Variants in RHOBTB2 observed in about 807,000 individuals in gnomAD.
RHOBTB2 encodes rho-related BTB domain-containing protein 2.
In RHOBTB2, 39 loss-of-function variants were observed where a neutral mutation model predicts 66.5. That is an observed-to-expected ratio of 0.59 (90% CI 0.45 to 0.77). RHOBTB2 has a LOEUF of 0.77. Among genes scored for constraint, RHOBTB2 ranks in the 30% least tolerant of loss-of-function variants. RHOBTB2 has a pLI of 0.00. For synonymous variants in RHOBTB2, 390 were observed against 395.0 expected (o/e 0.99, Z 0.15); for missense variants, 755 against 999.1 (o/e 0.76, Z 3.29).
upstream of RHOBTB2, among the ~76,000 whole-genome samples, chr8:22,983,615 C>T (rs1810247110): frequency 6.6e-6 from 1 of 152,024 alleles, no homozygotes; most frequent in Non-Finnish European, 1.5e-5. Flanking sequence ...CTAGGTTTTA[C>T]TTTTCTACCT....
chr8:23,007,165 G>A lies in RHOBTB2; in HGVS notation c.920G>A (p.Gly307Asp), dbSNP rs1484420263. ...LMDLSEGELG[G>D]PSEPGGTHPE... is the part of the protein sequence containing the mutation. ...GACCTGAGTGAGGGGGAGCTGGGGG[G>A]CCCCTCGGAGCCAGGGGGCACCCAC... Residue 307 changes from glycine to aspartate, a missense_variant, in exon 5 of 10, where the codon GGC (glycine) becomes GAC (aspartate). Coordinates refer to ENST00000251822, the MANE Select transcript of RHOBTB2 (RefSeq NM_015178.3). 3 of 1,603,816 alleles carry A rather than the reference G, an allele frequency of 1.9e-6. No individual in the cohort carries two copies. The highest frequency in any genetic ancestry group is 1.3e-5 in the African/African-American group (1 of 74,978).
chr8:22,970,621 T>G, the RHOBTB2 span, among the ~76,000 whole-genome samples: 1 of 151,198 alleles, frequency 6.6e-6, no homozygotes, highest in African/African-American at 2.4e-5. Flanking sequence ...AAAAAAAATT[T>G]GATTTATTTT....
the RHOBTB2 span, among the ~76,000 whole-genome samples, chr8:22,951,728 T>C: frequency 6.6e-6 from 1 of 152,176 alleles, no homozygotes; most frequent in Non-Finnish European, 1.5e-5. Flanking sequence ...TGGAATGTCA[T>C]CGGTTAAGGC....
chr8:22,991,883 T>C (rs1357560958), intron 1 of RHOBTB2: 14 of 152,204 alleles, frequency 9.2e-5, no homozygotes, highest in Admixed American at 9.2e-4. Flanking sequence ...CATCCAGCAA[T>C]GCCTAAGGGA....
In RHOBTB2 at chr8:23,017,631, G is replaced by T. The variant is rs1811336501; in HGVS notation, c.*162G>T. 8.6e-7 allele frequency: 1 copy of T among 1,162,506 alleles called. No homozygotes were observed. The highest frequency in any genetic ancestry group is 1.5e-5 in the African/African-American group (1 of 64,768). 72.0% of individuals were successfully genotyped at this position (1,162,506 alleles called of 1,614,324 possible). The stretch of plus-strand genomic sequence containing the variant: ...TACCAGCCACCGTGGCTCAGCCAGA[G>T]AGGAGCTGAGCCCTGTGGAGCAGAA... On this transcript the variant is annotated 3_prime_UTR_variant, in exon 10 of 10. Coordinates refer to ENST00000251822, the MANE Select transcript of RHOBTB2 (RefSeq NM_015178.3). This position sits in a 1 kb window ranked among gnomAD's most constrained non-coding sequence, Gnocchi z 5.3.
chr8:23,005,972 G>A lies in RHOBTB2; in HGVS notation c.309G>A (p.Val103=), dbSNP rs764759967. The change falls in exon 4 of 10, where the codon GTG becomes GTA. Residue 103 remains valine, a synonymous_variant. Transcript: ENST00000251822. Reference sequence around the variant, plus strand: ...TTCCCACCCGCAGATCTGATGTGGTGGTTCTGTGCTTCTCCATTGCCAACC... The same window carrying A: ...TTCCCACCCGCAGATCTGATGTGGTAGTTCTGTGCTTCTCCATTGCCAACC... ...RRFAYGRSDV[V]VLCFSIANPN... The A allele has an allele frequency of 3.8e-5, 62 of 1,612,402 alleles. No individual in the cohort carries two copies. The Middle Eastern group carries it at 4.9e-4, about 13-fold the overall frequency.
chr8:22,974,331 T>A, the RHOBTB2 span, among the ~76,000 whole-genome samples: 1 of 152,210 alleles, frequency 6.6e-6, no homozygotes, highest in African/African-American at 2.4e-5. Context: ...CAGCTGCTTC[T>A]CAGAGGTCTA....
upstream of RHOBTB2, chr8:22,995,724 T>C (rs1008321733): frequency 6.7e-5 from 57 of 846,930 alleles, no homozygotes; most frequent in South Asian, 7.6e-4. Flanking sequence ...CTTTTGCTCA[T>C]GGCTGGTTCT....
intron 7 of RHOBTB2, among the ~76,000 whole-genome samples, chr8:23,013,640 C>T (rs780108411): frequency 6.6e-6 from 1 of 151,822 alleles, no homozygotes; most frequent in Non-Finnish European, 1.5e-5. Flanking sequence ...GGATTACAGG[C>T]ACGTACCAAC....
the RHOBTB2 span, among the ~76,000 whole-genome samples, chr8:22,960,923 GAA>G: frequency 1.3e-5 from 2 of 152,276 alleles, no homozygotes; most frequent in South Asian, 4.1e-4. Context: ...CTTCAAACCT[GAA>G]AAGTTATTTC....
chr8:22,999,496 G>GCCGCCCCC (rs1554503628), upstream of RHOBTB2: 2 of 591,046 alleles, frequency 3.4e-6, no homozygotes, highest in African/African-American at 4.3e-5. Context: ...TCCCCCGCCC[G>GCCGCCCCC]CCCCCTCCCC....
At chr8:22,974,942 G>A in the RHOBTB2 span, among the ~76,000 whole-genome samples, 1 of 152,232 alleles carries the variant, frequency 6.6e-6, no homozygotes, top group South Asian at 2.1e-4. Context: ...CTCTTCATCT[G>A]GGGTTATCTC....
At chr8:22,991,159 C>T (rs1211748291) in intron 1 of RHOBTB2, among the ~76,000 whole-genome samples, 2 of 152,028 alleles carry the variant, frequency 1.3e-5, no homozygotes, top group Non-Finnish European at 2.9e-5. Flanking sequence ...GCTGTGGGTC[C>T]GGAGAAGGCC....
rs559839088 is a variant in RHOBTB2, at chr8:23,017,864, G to A, written c.*395G>A. ...CTCCCAGCAAGCAGAAGTGATCCTC[G>A]AGGGTCCTGCCCCTGTTGGCCATAT... On this transcript the variant is annotated 3_prime_UTR_variant, in exon 10 of 10. Transcript: ENST00000251822. The surrounding 1 kb of genome is among the most constrained non-coding windows in gnomAD (Gnocchi z 5.3). 2.8e-5 allele frequency: 6 copies of A among 214,550 alleles called. No individual in the cohort carries two copies. The highest frequency in any genetic ancestry group is 1.0e-4 in the Admixed American group (2 of 19,618). The allele number at this position is 214,550 out of a possible 1,614,324, so 13.3% of individuals were successfully genotyped here.
chr8:22,986,767 T>C (rs111593894), upstream of RHOBTB2, among the ~76,000 whole-genome samples: 1 of 152,078 alleles, frequency 6.6e-6, no homozygotes, highest in Non-Finnish European at 1.5e-5. Context: ...AAAGGTAAAC[T>C]AAGGTCCAGA....
At chr8:22,972,225 G>C in the RHOBTB2 span, among the ~76,000 whole-genome samples, 3 of 152,198 alleles carry the variant, frequency 2.0e-5, no homozygotes, top group African/African-American at 7.2e-5. Context: ...TAGGGTTCAT[G>C]ACACATGTAG....
intron 2 of RHOBTB2, among the ~76,000 whole-genome samples, chr8:23,005,068 A>G (rs1287397188): frequency 1.3e-5 from 2 of 152,088 alleles, no homozygotes; most frequent in African/African-American, 2.4e-5. Context: ...TTCCACACCC[A>G]TAGCAGTCCC....
chr8:22,964,411 T>C, the RHOBTB2 span, among the ~76,000 whole-genome samples: 1 of 152,212 alleles, frequency 6.6e-6, no homozygotes. Flanking sequence ...GTGTTCCATG[T>C]AGCAATCAGA....
In RHOBTB2 at chr8:23,009,463, G is replaced by A. The variant is rs533157293; in HGVS notation, c.1621-1075G>A. Among the ~76,000 whole-genome samples the A allele has an allele frequency of 1.3e-3, 195 of 152,210 alleles. 3 individuals are homozygous for A. The highest frequency in any genetic ancestry group is 4.4e-3 in the African/African-American group (183 of 41,512). On this transcript the variant is annotated intron_variant, in intron 6 of 9. Transcript: ENST00000251822. ...CAATTGCCCATCACTGAGTGTCGTC[G>A]AACCTTGTAGTTAACGAGGTTCGAC... is the stretch of plus-strand genomic sequence containing the variant.
Sources: allele counts gnomAD v4.1 joint callset (sites outside exome capture counted in the v4.1 genomes callset), GRCh38; gene constraint gnomAD v4.1.1; non-coding constraint Gnocchi (gnomAD v3.1); transcripts MANE v1.5; gene names NCBI Gene and HGNC (gene_info 2026-07-23, HGNC 2026-07-21).